MTCL1: variants seen among roughly 807,000 people sequenced by gnomAD.
The protein encoded by MTCL1 is microtubule cross-linking factor 1.
In MTCL1, 79 loss-of-function variants were observed where a neutral mutation model predicts 141.4. That is an observed-to-expected ratio of 0.56 (90% CI 0.47 to 0.67). The LOEUF is 0.67. Among genes scored for constraint, MTCL1 ranks in the 30% least tolerant of loss-of-function variants. The probability of loss-of-function intolerance (pLI) is 0.00; values close to 1 mark genes in which losing one functional copy is unlikely to be tolerated. For synonymous variants in MTCL1, 914 were observed against 875.8 expected (o/e 1.04, Z -0.77); for missense variants, 2,177 against 2,113.9 (o/e 1.03, Z -0.59).
intron 13 of MTCL1, among the ~76,000 whole-genome samples, chr18:8,820,480 T>C (rs535287920): frequency 2.0e-5 from 3 of 152,244 alleles, no homozygotes; most frequent in African/African-American, 7.2e-5. Context: ...TATCATTTGG[T>C]CTCCTAAACA....
At chr18:8,784,590 C>T (rs769759414) in exon 6 of MTCL1, 20 of 1,611,594 alleles carry the variant, frequency 1.2e-5, no homozygotes, top group Non-Finnish European at 1.6e-5. Flanking sequence ...TTACCGGGGC[C>T]TGGCCTCCAG....
intron 4 of MTCL1, among the ~76,000 whole-genome samples, chr18:8,736,656 G>C (rs1424481368): frequency 2.6e-5 from 2 of 76,648 alleles, no homozygotes; most frequent in Non-Finnish European, 5.3e-5. Flanking sequence ...TTTTTTTTTT[G>C]AGATGGAGTC....
At chr18:8,789,462 T>C (rs2075642274) in intron 7 of MTCL1, 2 of 985,450 alleles carry the variant, frequency 2.0e-6, no homozygotes, top group Non-Finnish European at 2.4e-6. Flanking sequence ...GATTGTGAAG[T>C]TATCTTCTTA....
At chr18:8,752,175 C>T (rs1029059622) in intron 4 of MTCL1, among the ~76,000 whole-genome samples, 3 of 152,170 alleles carry the variant, frequency 2.0e-5, no homozygotes, top group Non-Finnish European at 4.4e-5. Context: ...TCAGCATTGA[C>T]TTGCTGAGTA....
At chr18:8,710,583 A>G (rs1252435928) in intron 1 of MTCL1, among the ~76,000 whole-genome samples, 10 of 151,114 alleles carry the variant, frequency 6.6e-5, no homozygotes, top group African/African-American at 2.4e-4. Context: ...ATGGTTAAAT[A>G]TACACTTTAA....
rs1352739846 is a variant in MTCL1 at position 8,779,068 on chromosome 18, GC to G, written c.417+1179del. Among the ~76,000 whole-genome samples, 1 of 152,232 alleles carries G rather than the reference GC, an allele frequency of 6.6e-6. No individual in the cohort carries two copies. Among genetic ancestry groups the G allele is most frequent in the Non-Finnish European group, 1.5e-5 (1 of 68,036 alleles). On this transcript the variant is annotated intron_variant, in intron 5 of 16. Transcript: ENST00000359865. The surrounding 1 kb of genome is among the most constrained non-coding windows in gnomAD (Gnocchi z 4.1). ...GAATGGAGCGCCCTGGGAACTGCAG[GC>G]CCGCAACCAAAACCCAAAGGAAGCT...
At chr18:8,718,562 C>T (rs780521521) in exon 3 of MTCL1, 41 of 1,613,976 alleles carry the variant, frequency 2.5e-5, no homozygotes, top group South Asian at 1.4e-4. Context: ...GTACCGTCTT[C>T]GGAAAGCCGA....
At chr18:8,724,145 G>A (rs591376) in intron 4 of MTCL1, among the ~76,000 whole-genome samples, 61,828 of 151,974 alleles carry the variant, frequency 0.41, 13,492 homozygotes, top group Admixed American at 0.54. Context: ...TTTCTGTTAC[G>A]TGAATTTTAA....
At chr18:8,823,089 G>A (rs183045928) in intron 14 of MTCL1, among the ~76,000 whole-genome samples, 159 of 151,822 alleles carry the variant, frequency 1.0e-3, no homozygotes, top group Non-Finnish European at 1.5e-3. Context: ...AACTGGATGC[G>A]CCCTCCCCAC....
At chr18:8,809,357 C>T in intron 11 of MTCL1, 2 of 1,462,284 alleles carry the variant, frequency 1.4e-6, no homozygotes, top group Admixed American at 2.1e-5. Context: ...ACATAGGCAA[C>T]AAGCCCAACA....
chr18:8,750,875 C>T (rs2096367182), intron 4 of MTCL1, among the ~76,000 whole-genome samples: 1 of 152,214 alleles, frequency 6.6e-6, no homozygotes, highest in Non-Finnish European at 1.5e-5. Flanking sequence ...GCTGGTCCCC[C>T]TTTGGCATAG....
In MTCL1 at chr18:8,733,217, G is replaced by A. The variant is rs553893453; in HGVS notation, c.357+12721G>A. On this transcript the variant is annotated intron_variant, in intron 4 of 16. Coordinates refer to ENST00000359865, the Ensembl canonical transcript of MTCL1. ...TCGGGGGCTGAGGTGAGACGAGGCC[G>A]GGGAGTGTTTGATCTTCTGTGTTTA... Among the ~76,000 whole-genome samples, 56 of 152,286 alleles carry A rather than the reference G, an allele frequency of 3.7e-4. 1 individual carries two copies. Among genetic ancestry groups the A allele is most frequent in the Middle Eastern group, 6.8e-3 (2 of 294 alleles).
upstream of MTCL1, among the ~76,000 whole-genome samples, chr18:8,716,060 A>C (rs2096126508): frequency 6.6e-6 from 1 of 152,246 alleles, no homozygotes; most frequent in Admixed American, 6.5e-5. Flanking sequence ...CCATGGAGGA[A>C]AAAAGAAATG....
At chr18:8,781,121 C>T (rs954436645) in intron 5 of MTCL1, among the ~76,000 whole-genome samples, 1 of 138,564 alleles carries the variant, frequency 7.2e-6, no homozygotes, top group Non-Finnish European at 1.5e-5. Flanking sequence ...TTACAGTGAG[C>T]CAAGATTGCG....
intron 12 of MTCL1, among the ~76,000 whole-genome samples, chr18:8,817,773 A>C (rs1424930097): frequency 6.6e-6 from 1 of 152,248 alleles, no homozygotes; most frequent in East Asian, 1.9e-4. Flanking sequence ...CATCGTTCAG[A>C]TACTTTGCTT....
At chr18:8,796,974 A>C (rs1262160860) in intron 9 of MTCL1, among the ~76,000 whole-genome samples, 1 of 152,232 alleles carries the variant, frequency 6.6e-6, no homozygotes, top group Non-Finnish European at 1.5e-5. Flanking sequence ...AAATTATTTC[A>C]TCAATTTTGG....
chr18:8,767,714 G>C (rs2096465960), intron 4 of MTCL1, among the ~76,000 whole-genome samples: 1 of 151,276 alleles, frequency 6.6e-6, no homozygotes, highest in Admixed American at 6.6e-5. Flanking sequence ...ATTACGCTAG[G>C]TCAATTCCAT....
In MTCL1 at chr18:8,781,162, A is replaced by G. The variant is rs117223225; in HGVS notation, c.418-2368A>G. 2.1e-3 allele frequency among the ~76,000 whole-genome samples: 276 copies of G among 128,710 alleles called. 6 individuals are homozygous for G. The East Asian group carries it at 0.058, about 27-fold the overall frequency. The allele number at this position is 128,710 out of a possible 152,430, so 84.4% of individuals were successfully genotyped here. A position where few individuals can be genotyped will look rare whatever the true frequency, so the allele number is the denominator to read the frequency against. On this transcript the variant is annotated intron_variant, in intron 5 of 16. Coordinates refer to ENST00000359865, the Ensembl canonical transcript of MTCL1. ...GCAGTCCAGCCAGAGTGCAGACTCC[A>G]GAGCAAGACTCCATCTCAAAAAAAA...
chr18:8,725,383 C>T (rs1368243361), intron 4 of MTCL1, among the ~76,000 whole-genome samples: 1 of 152,106 alleles, frequency 6.6e-6, no homozygotes, highest in Non-Finnish European at 1.5e-5. Context: ...GTGCTTGAGA[C>T]GAATGTGTTT....
Sources: allele counts gnomAD v4.1 joint callset (sites outside exome capture counted in the v4.1 genomes callset), GRCh38; gene constraint gnomAD v4.1.1; non-coding constraint Gnocchi (gnomAD v3.1); transcripts MANE v1.5; gene names NCBI Gene and HGNC (gene_info 2026-07-23, HGNC 2026-07-21).